Variants in DLGAP2 observed in about 807,000 individuals in gnomAD.
DLGAP2 encodes the protein DLG associated protein 2.
DLGAP2 carries 26 observed loss-of-function variants against 100.3 expected under a neutral mutation model. The ratio of observed to expected loss-of-function variants is 0.26; its 90% CI spans 0.19 to 0.36. The LOEUF is 0.36. DLGAP2 is among the 10% of genes least tolerant of loss of function. The pLI is 1.00. For missense variants in DLGAP2, 1,858 were observed against 1,453.2 expected, an observed-to-expected ratio of 1.28 and a Z score of -4.53; for synonymous variants, 886 against 630.1, an observed-to-expected ratio of 1.41 and a Z score of -6.08.
At chr8:1,512,243 C>A (rs985251512) in intron 4 of DLGAP2, among the ~76,000 whole-genome samples, 3 of 152,198 alleles carry the variant, frequency 2.0e-5, no homozygotes, top group African/African-American at 7.2e-5. Flanking sequence ...TGCTCCTCCC[C>A]ATAAATTTCA....
At chr8:1,648,577 T>C (rs1198568969) in intron 8 of DLGAP2, among the ~76,000 whole-genome samples, 1 of 152,096 alleles carries the variant, frequency 6.6e-6, no homozygotes, top group Non-Finnish European at 1.5e-5. Flanking sequence ...CCTCCGGCTG[T>C]TATGAGATCC....
At chr8:1,479,626 T>G (rs1242167611) in intron 3 of DLGAP2, among the ~76,000 whole-genome samples, 1 of 152,158 alleles carries the variant, frequency 6.6e-6, no homozygotes, top group Non-Finnish European at 1.5e-5. Context: ...TAGAGTTTGC[T>G]CTTTCATTTC....
chr8:852,511 T>A (rs1419332893), intron 1 of DLGAP2, among the ~76,000 whole-genome samples: 1 of 152,246 alleles, frequency 6.6e-6, no homozygotes, highest in Admixed American at 6.5e-5. Context: ...TTACTCAAGA[T>A]TCTGTGGGTC....
At position 1,096,732 on chromosome 8, in the gene DLGAP2, G is replaced by A. The variant is rs185154646; in HGVS notation, c.74-162119G>A. 2.8e-4 allele frequency among the ~76,000 whole-genome samples: 39 copies of A among 139,294 alleles called. 1 individual carries two copies. The highest frequency in any genetic ancestry group is 9.6e-4 in the African/African-American group (34 of 35,264). The allele number at this position is 139,294 out of a possible 152,430, so 91.4% of individuals were successfully genotyped here. On this transcript the variant is annotated intron_variant, in intron 2 of 14. Coordinates refer to ENST00000637795, the MANE Select transcript of DLGAP2 (RefSeq NM_001346810.2). ...TCCAGCGTGAGACCCAGCTCCCTGC[G>A]CTCAGTACAGTGGAGCTGGGAGCCC...
chr8:1,633,827 G>C (rs544879316), intron 8 of DLGAP2, among the ~76,000 whole-genome samples: 1 of 152,178 alleles, frequency 6.6e-6, no homozygotes, highest in Non-Finnish European at 1.5e-5. Flanking sequence ...CTGTATCTTA[G>C]AAATTTAAAG....
intron 1 of DLGAP2, among the ~76,000 whole-genome samples, chr8:745,071 C>T (rs1820584499): frequency 6.6e-6 from 1 of 152,202 alleles, no homozygotes; most frequent in Non-Finnish European, 1.5e-5. Context: ...CCGTGAATGC[C>T]TCGTTACGCC....
chr8:1,055,132 T>C (rs1228564831), intron 2 of DLGAP2, among the ~76,000 whole-genome samples: 1 of 152,250 alleles, frequency 6.6e-6, no homozygotes, highest in Non-Finnish European at 1.5e-5. Context: ...AGACGTTTTG[T>C]AAAGATGGAT....
At chr8:1,161,153 AAC>A (rs1327860906) in intron 2 of DLGAP2, among the ~76,000 whole-genome samples, 2 of 152,236 alleles carry the variant, frequency 1.3e-5, no homozygotes, top group African/African-American at 4.8e-5. Flanking sequence ...TACATTTATT[AAC>A]AGTTTGCATT....
chr8:1,180,771 C>T (rs922307329), intron 2 of DLGAP2, among the ~76,000 whole-genome samples: 11 of 151,642 alleles, frequency 7.3e-5, no homozygotes, highest in African/African-American at 2.4e-4. Flanking sequence ...AGTACAGTTA[C>T]TGTCGAGTGT....
intron 2 of DLGAP2, among the ~76,000 whole-genome samples, chr8:1,094,722 C>G (rs140348710): frequency 6.6e-6 from 1 of 152,356 alleles, no homozygotes; most frequent in East Asian, 1.9e-4. Flanking sequence ...GCTGGACAAG[C>G]TCCGTGCCTC....
At chr8:1,693,706 C>T (rs1222837536) in intron 13 of DLGAP2, among the ~76,000 whole-genome samples, 2 of 152,222 alleles carry the variant, frequency 1.3e-5, no homozygotes, top group Non-Finnish European at 2.9e-5. Context: ...TTCTCTAATA[C>T]TTTCCAATCA....
chr8:742,788 G>C (rs1427200107), intron 1 of DLGAP2, among the ~76,000 whole-genome samples: 1 of 152,164 alleles, frequency 6.6e-6, no homozygotes, highest in Non-Finnish European at 1.5e-5. Context: ...GATTACAGGA[G>C]TGAGTCACTT....
At chr8:1,310,654 T>C (rs1800592972) in intron 3 of DLGAP2, among the ~76,000 whole-genome samples, 1 of 151,570 alleles carries the variant, frequency 6.6e-6, no homozygotes, top group Non-Finnish European at 1.5e-5. Context: ...GGTTTTTTTT[T>C]GTTTTTTGTT....
At chr8:1,639,413 C>T (rs573707301) in intron 8 of DLGAP2, among the ~76,000 whole-genome samples, 8 of 152,228 alleles carry the variant, frequency 5.3e-5, no homozygotes, top group African/African-American at 1.7e-4. Context: ...AAGGCTGCTG[C>T]GAGGCCTGAA....
intron 6 of DLGAP2, among the ~76,000 whole-genome samples, chr8:1,572,872 A>G (rs1490227736): frequency 4.7e-5 from 5 of 106,980 alleles, no homozygotes; most frequent in South Asian, 4.1e-4. Context: ...CTGTGGGGGC[A>G]TCTGATGAGA....
chr8:1,192,399 A>G (rs1283780685), intron 2 of DLGAP2, among the ~76,000 whole-genome samples: 3 of 152,136 alleles, frequency 2.0e-5, no homozygotes, highest in African/African-American at 7.2e-5. Flanking sequence ...GGATCACCTC[A>G]CTTTTTTGCG....
chr8:1,080,953 A>T (rs908404382), intron 2 of DLGAP2, among the ~76,000 whole-genome samples: 15 of 152,206 alleles, frequency 9.9e-5, no homozygotes, highest in African/African-American at 3.6e-4. Flanking sequence ...GAAGCCATCG[A>T]TATCTTGATA....
intron 4 of DLGAP2, among the ~76,000 whole-genome samples, chr8:1,507,279 G>A (rs928614967): frequency 3.9e-5 from 6 of 152,244 alleles, no homozygotes; most frequent in African/African-American, 1.4e-4. Flanking sequence ...ATGGCGGGCT[G>A]CAGGTCCCGA....
chr8:1,319,332 C>T (rs549409320), intron 3 of DLGAP2, among the ~76,000 whole-genome samples: 1 of 152,326 alleles, frequency 6.6e-6, no homozygotes, highest in East Asian at 1.9e-4. Flanking sequence ...CCTTCTCTGA[C>T]TCAAATCCCA....
Sources: allele counts gnomAD v4.1 joint callset (sites outside exome capture counted in the v4.1 genomes callset), GRCh38; gene constraint gnomAD v4.1.1; transcripts MANE v1.5; gene names NCBI Gene and HGNC (gene_info 2026-07-23, HGNC 2026-07-21).